The following SCN9A variants were observed in gnomAD, a reference collection of about 807,000 sequenced individuals.
SCN9A encodes the protein sodium voltage-gated channel alpha subunit 9, also known as sodium channel protein type 9 subunit alpha.
In SCN9A, 131 loss-of-function variants were observed where a neutral mutation model predicts 187.0. The observed-to-expected ratio is 0.70, with a 90% CI of 0.61 to 0.81. The LOEUF (loss-of-function observed/expected upper bound fraction) is 0.81. Ranked by LOEUF, SCN9A falls within the 30% of genes least tolerant of loss-of-function variation. The pLI is 0.00. For missense variants in SCN9A, 2,252 were observed against 2,396.6 expected, an observed-to-expected ratio of 0.94 and a Z score of 1.26; for synonymous variants, 809 against 808.6, an observed-to-expected ratio of 1.00 and a Z score of -0.01.
intron 15 of SCN9A, 43 bp downstream of exon 15, chr2:166,278,084 ACCAAAGAAATACC>A (rs1697316455): frequency 7.1e-7 from 1 of 1,413,644 alleles, no homozygotes; most frequent in South Asian, 1.4e-5. Context: ...ATAATGCAAA[ACCAAAGAAATACC>A]CCTTTATTAT....
Position 166,370,412 on chromosome 2 carries a change from T to C in SCN9A, c.-51+5285A>G, listed in dbSNP as rs560073328. On this transcript the variant is annotated intron_variant, in intron 1 of 26. Transcript: ENST00000642356. ...CAAAAACATTAGCCGGGCACGGTGG[T>C]AGGCGCCTGTAGTCCCAGCTACTCG... Among the ~76,000 whole-genome samples, 9 of 151,428 alleles carry C rather than the reference T, an allele frequency of 5.9e-5. 1 individual carries two copies. In the South Asian group the frequency reaches 1.0e-3, roughly 18 times the overall value.
intron 1 of SCN9A, among the ~76,000 whole-genome samples, chr2:166,372,118 G>A (rs2105332314): frequency 6.6e-6 from 1 of 152,180 alleles, no homozygotes; most frequent in South Asian, 2.1e-4. Flanking sequence ...GAGTGTGTGT[G>A]TGGTAAAATT....
intron 24 of SCN9A, among the ~76,000 whole-genome samples, chr2:166,210,308 G>C (rs1010251912): frequency 6.6e-6 from 1 of 151,968 alleles, no homozygotes; most frequent in Admixed American, 6.6e-5. Flanking sequence ...GCCTGTTGTG[G>C]GGTGGGGGGA....
intron 1 of SCN9A, among the ~76,000 whole-genome samples, chr2:166,317,444 A>G (rs973526830): frequency 6.6e-6 from 1 of 152,024 alleles, no homozygotes; most frequent in African/African-American, 2.4e-5. Context: ...TATCTTACCC[A>G]CTCACCATTA....
rs779610787 is a variant in SCN9A at position 166,284,514 on chromosome 2, A to T, written c.1913T>A (p.Met638Lys). ...VSLVDGRSAL[M>K]LPNGQLLPEV... ...TGGCAGAAGCTGTCCATTGGGGAGC[A>T]TGAGGGCTGAGCGTCCATCAACCAG... The change falls in exon 12 of 27, where the codon ATG becomes AAG. Residue 638 changes from methionine to lysine, a missense_variant. Around this residue, in one of 7 missense-constraint regions of SCN9A, gnomAD observed 1,013 missense variants for 997.4 expected, o/e 1.02. Transcript: ENST00000642356. 6.2e-7 allele frequency: 1 copy of T among 1,614,006 alleles called. No homozygotes were observed. The highest frequency in any genetic ancestry group is 1.1e-5 in the South Asian group (1 of 91,090).
intron 20 of SCN9A, among the ~76,000 whole-genome samples, chr2:166,235,794 C>T (rs1695292273): frequency 6.6e-6 from 1 of 151,978 alleles, no homozygotes; most frequent in Non-Finnish European, 1.5e-5. Flanking sequence ...TGTTCGTTTC[C>T]AAAATATTAA....
chr2:166,259,797 T>G (rs1696430021), intron 17 of SCN9A, among the ~76,000 whole-genome samples: 1 of 151,872 alleles, frequency 6.6e-6, no homozygotes, highest in Non-Finnish European at 1.5e-5. Context: ...ACACATTGAT[T>G]TGAATATGTC....
chr2:166,362,998 T>C (rs1675561728), intron 1 of SCN9A, among the ~76,000 whole-genome samples: 2 of 151,934 alleles, frequency 1.3e-5, no homozygotes, highest in East Asian at 3.9e-4. Context: ...TGCTTGTAAC[T>C]CCCCAGTGGG....
At chr2:166,222,748 G>C (rs6432887) in intron 24 of SCN9A, among the ~76,000 whole-genome samples, 132,409 of 145,066 alleles carry the variant, frequency 0.91, 60,616 homozygotes, top group African/African-American at 0.97. Flanking sequence ...CTGGCTAACA[G>C]GGTGAAACCC....
At chr2:166,306,001 A>G (rs1413754984) in intron 4 of SCN9A, 81 bp from the exon 5 acceptor site, 3 of 1,535,982 alleles carry the variant, frequency 2.0e-6, no homozygotes, top group African/African-American at 2.8e-5. Flanking sequence ...ATTTTCTCTA[A>G]TTAACCACTG....
At chr2:166,312,630 A>G (rs1430918258) in intron 1 of SCN9A, among the ~76,000 whole-genome samples, 1 of 152,208 alleles carries the variant, frequency 6.6e-6, no homozygotes, top group Non-Finnish European at 1.5e-5. Context: ...TATGGCAGCT[A>G]TAGTCTTATA....
At chr2:166,338,845 G>A (rs1019424216) in intron 1 of SCN9A, among the ~76,000 whole-genome samples, 2 of 152,042 alleles carry the variant, frequency 1.3e-5, no homozygotes, top group East Asian at 1.9e-4. Context: ...AAACTAAAGC[G>A]TTATCTATGG....
intron 1 of SCN9A, among the ~76,000 whole-genome samples, chr2:166,359,648 T>C (rs1486224644): frequency 6.6e-6 from 1 of 151,754 alleles, no homozygotes; most frequent in African/African-American, 2.4e-5. Flanking sequence ...TCAACAAGAG[T>C]AGTTCAATAT....
chr2:166,269,666 G>T (rs991088342), intron 17 of SCN9A, among the ~76,000 whole-genome samples: 1 of 151,952 alleles, frequency 6.6e-6, no homozygotes, highest in Non-Finnish European at 1.5e-5. Flanking sequence ...GTTCTATAAG[G>T]TTCCCTTAAA....
At chr2:166,256,484 C>A (rs1404475358) in intron 17 of SCN9A, among the ~76,000 whole-genome samples, 2 of 151,426 alleles carry the variant, frequency 1.3e-5, no homozygotes, top group African/African-American at 4.8e-5. Context: ...GAAAACTCAA[C>A]TGTATTTTCT....
At chr2:166,280,755 A>G (rs544800833) in intron 13 of SCN9A, among the ~76,000 whole-genome samples, 160 bp from the exon 14 acceptor site, 1 of 152,322 alleles carries the variant, frequency 6.6e-6, no homozygotes, top group East Asian at 1.9e-4. Flanking sequence ...CTCTTATGTA[A>G]GTCTATTATG....
chr2:166,372,991 T>C (rs1006518533), intron 1 of SCN9A, among the ~76,000 whole-genome samples: 1 of 152,106 alleles, frequency 6.6e-6, no homozygotes, highest in Non-Finnish European at 1.5e-5. Context: ...ACAACCTACT[T>C]TTAACAAGAT....
At chr2:166,359,249 A>T (rs1700222506) in intron 1 of SCN9A, among the ~76,000 whole-genome samples, 1 of 152,118 alleles carries the variant, frequency 6.6e-6, no homozygotes, top group African/African-American at 2.4e-5. Context: ...AAATGGGAAA[A>T]TTTCTATTTT....
chr2:166,252,996 T>G (rs1002423698), intron 17 of SCN9A, among the ~76,000 whole-genome samples: 1 of 151,900 alleles, frequency 6.6e-6, no homozygotes, highest in Non-Finnish European at 1.5e-5. Context: ...TTAGAGTAGT[T>G]CAAGCAAGTG....
Sources: allele counts gnomAD v4.1 joint callset (sites outside exome capture counted in the v4.1 genomes callset), GRCh38; gene constraint gnomAD v4.1.1; regional missense constraint gnomAD v4.1.1; transcripts MANE v1.5; gene names NCBI Gene and HGNC (gene_info 2026-07-23, HGNC 2026-07-21).